The following HS6ST3 variants were observed in gnomAD, a reference collection of about 807,000 sequenced individuals.
HS6ST3 encodes the protein heparan-sulfate 6-O-sulfotransferase 3.
HS6ST3 carries 12 observed loss-of-function variants against 36.7 expected under a neutral mutation model. The observed-to-expected ratio is 0.33, with a 90% CI of 0.21 to 0.53. The LOEUF is 0.53. Ranked by LOEUF, HS6ST3 falls within the 20% of genes least tolerant of loss-of-function variation. HS6ST3 has a pLI of 0.95. For missense variants in HS6ST3, 584 were observed against 640.9 expected (o/e 0.91, Z 0.96); for synonymous variants, 240 against 257.5 (o/e 0.93, Z 0.65).
chr13:96,662,346 G>A (rs1302006302), intron 1 of HS6ST3, among the ~76,000 whole-genome samples: 1 of 152,022 alleles, frequency 6.6e-6, no homozygotes, highest in African/African-American at 2.4e-5. Context: ...TAATTCAAAA[G>A]ACCTGTCTTC....
intron 1 of HS6ST3, among the ~76,000 whole-genome samples, chr13:96,239,533 A>T: frequency 6.6e-6 from 1 of 152,218 alleles, no homozygotes; most frequent in East Asian, 1.9e-4. Context: ...AGCAAATACA[A>T]TGCTTTTTGC....
intron 1 of HS6ST3, among the ~76,000 whole-genome samples, chr13:96,347,502 G>T (rs754042763): frequency 6.6e-6 from 1 of 152,162 alleles, no homozygotes; most frequent in Non-Finnish European, 1.5e-5. Flanking sequence ...TTCCAACGTT[G>T]CTGTTTGGGG....
chr13:96,411,600 G>C (rs1026207441), intron 1 of HS6ST3, among the ~76,000 whole-genome samples: 3 of 152,144 alleles, frequency 2.0e-5, no homozygotes, highest in Non-Finnish European at 2.9e-5. Context: ...AACCAAAATA[G>C]GCTTATAGGA....
At chr13:96,446,289 A>AC (rs1427661092) in intron 1 of HS6ST3, among the ~76,000 whole-genome samples, 3 of 152,230 alleles carry the variant, frequency 2.0e-5, no homozygotes, top group Admixed American at 2.0e-4. Context: ...AAAGTAAGTT[A>AC]CATTTTTTTT....
intron 1 of HS6ST3, among the ~76,000 whole-genome samples, chr13:96,492,622 G>T (rs1345433767): frequency 6.6e-6 from 1 of 152,168 alleles, no homozygotes; most frequent in Non-Finnish European, 1.5e-5. Context: ...TTTATTTTTT[G>T]AAGAATGGCC....
intron 1 of HS6ST3, among the ~76,000 whole-genome samples, chr13:96,309,307 G>C (rs1055926685): frequency 7.9e-5 from 12 of 152,010 alleles, no homozygotes; most frequent in Admixed American, 5.3e-4. Context: ...GTGTTCAATA[G>C]GTACTGTCTA....
chr13:96,353,508 A>G (rs900153233), intron 1 of HS6ST3, among the ~76,000 whole-genome samples: 2 of 152,170 alleles, frequency 1.3e-5, no homozygotes, highest in Non-Finnish European at 2.9e-5. Flanking sequence ...ATAAAGGATG[A>G]AAATATAAAG....
intron 1 of HS6ST3, among the ~76,000 whole-genome samples, chr13:96,503,123 C>A (rs543833238): frequency 1.3e-4 from 20 of 152,180 alleles, no homozygotes; most frequent in Non-Finnish European, 2.5e-4. Flanking sequence ...GTGTTAAGAT[C>A]TGAACCCCTC....
chr13:96,348,149 G>A (rs1268984809), intron 1 of HS6ST3, among the ~76,000 whole-genome samples: 2 of 152,160 alleles, frequency 1.3e-5, no homozygotes, highest in Admixed American at 6.5e-5. Context: ...TGCATGGAAA[G>A]AAAGAAAGCT....
chr13:96,727,648 C>T (rs1876040030), intron 1 of HS6ST3, among the ~76,000 whole-genome samples: 1 of 152,140 alleles, frequency 6.6e-6, no homozygotes, highest in Non-Finnish European at 1.5e-5. Flanking sequence ...AACACATTAG[C>T]TTAAAAACTA....
At chr13:96,113,764 T>A (rs2053881339) in intron 1 of HS6ST3, among the ~76,000 whole-genome samples, 1 of 152,158 alleles carries the variant, frequency 6.6e-6, no homozygotes, top group African/African-American at 2.4e-5. Flanking sequence ...ATCTCACCTC[T>A]GGAAATTTAT....
At chr13:96,540,038 G>A (rs528494665) in intron 1 of HS6ST3, among the ~76,000 whole-genome samples, 291 of 152,382 alleles carry the variant, frequency 1.9e-3, no homozygotes, top group African/African-American at 6.6e-3. Flanking sequence ...GGCCTGACAA[G>A]TGGATAGTGG....
At chr13:96,221,298 G>A (rs2054454173) in intron 1 of HS6ST3, among the ~76,000 whole-genome samples, 1 of 152,172 alleles carries the variant, frequency 6.6e-6, no homozygotes, top group Non-Finnish European at 1.5e-5. Flanking sequence ...TCAAGGAAAA[G>A]TAGCAGTGAT....
Position 96,168,032 on chromosome 13 carries a change from C to T in HS6ST3, c.707+76463C>T, listed in dbSNP as rs564000665. Among the ~76,000 whole-genome samples, 12 of 152,152 alleles carry T rather than the reference C, an allele frequency of 7.9e-5. No homozygotes were observed. In the South Asian group the frequency reaches 1.5e-3, roughly 18 times the overall value. On this transcript the variant is annotated intron_variant, in intron 1 of 1. Coordinates refer to ENST00000376705, the MANE Select transcript of HS6ST3 (RefSeq NM_153456.4). Reference sequence around the variant, plus strand: ...GAATAACTGACAAAATTGAACAAATCGAAAGTTTTATTGGCAGTAATATTG... The same window carrying T: ...GAATAACTGACAAAATTGAACAAATTGAAAGTTTTATTGGCAGTAATATTG...
intron 1 of HS6ST3, among the ~76,000 whole-genome samples, chr13:96,120,317 A>G (rs916310343): frequency 1.3e-5 from 2 of 152,204 alleles, no homozygotes; most frequent in Non-Finnish European, 2.9e-5. Context: ...CCCAGTTTGT[A>G]TTAACAGTAC....
At chr13:96,715,427 C>G (rs1013574623) in intron 1 of HS6ST3, among the ~76,000 whole-genome samples, 2 of 151,884 alleles carry the variant, frequency 1.3e-5, no homozygotes, top group Non-Finnish European at 2.9e-5. Flanking sequence ...ATAAGAAAAA[C>G]TAGAACAAAT....
At chr13:96,265,053 C>T (rs946179948) in intron 1 of HS6ST3, among the ~76,000 whole-genome samples, 38 of 152,274 alleles carry the variant, frequency 2.5e-4, no homozygotes, top group Admixed American at 1.9e-3. Context: ...TACTTCCACT[C>T]CATTCTTCAT....
chr13:96,438,894 C>T (rs2055655948), intron 1 of HS6ST3, among the ~76,000 whole-genome samples: 1 of 151,940 alleles, frequency 6.6e-6, no homozygotes, highest in Non-Finnish European at 1.5e-5. Flanking sequence ...GGGGAAAACC[C>T]ATCTGTACTA....
At chr13:96,243,323 T>G (rs1385111782) in intron 1 of HS6ST3, among the ~76,000 whole-genome samples, 2 of 152,360 alleles carry the variant, frequency 1.3e-5, no homozygotes, top group South Asian at 4.1e-4. Flanking sequence ...TTCTTTGTTT[T>G]CTTAGCAGAC....
Sources: gnomAD v4.1 joint callset for allele counts (sites outside exome capture counted in the v4.1 genomes callset) on GRCh38, gnomAD v4.1.1 for gene constraint, MANE v1.5 for transcripts, NCBI Gene and HGNC (gene_info 2026-07-23, HGNC 2026-07-21) for gene names.